Variants in FBXL13 observed in about 807,000 individuals in gnomAD.
FBXL13 encodes F-box and leucine rich repeat protein 13, also known as F-box and leucine-rich repeat protein 13.
In FBXL13, 67 loss-of-function variants were observed where a neutral mutation model predicts 83.6. The ratio of observed to expected loss-of-function variants is 0.80; its 90% CI spans 0.66 to 0.98. The LOEUF (loss-of-function observed/expected upper bound fraction) is 0.98, where lower values mean the gene tolerates loss of function less well. Among genes scored for constraint, FBXL13 ranks in the 50% least tolerant of loss-of-function variants. The pLI, the probability that FBXL13 is intolerant of heterozygous loss-of-function variation, is 0.00. For missense variants in FBXL13, 822 were observed against 866.5 expected, an observed-to-expected ratio of 0.95 and a Z score of 0.64; for synonymous variants, 272 against 299.5, an observed-to-expected ratio of 0.91 and a Z score of 0.95.
At chr7:102,863,263 A>G (rs771519840) in intron 16 of FBXL13, among the ~76,000 whole-genome samples, 3 of 152,126 alleles carry the variant, frequency 2.0e-5, no homozygotes, top group African/African-American at 4.8e-5. Context: ...CAATTTCTCT[A>G]TATGGGAAAT....
chr7:102,851,263 G>A (rs1805170677), intron 17 of FBXL13, among the ~76,000 whole-genome samples: 1 of 152,142 alleles, frequency 6.6e-6, no homozygotes, highest in South Asian at 2.1e-4. Flanking sequence ...CACACTAGTT[G>A]GGATGGTATT....
intron 6 of FBXL13, among the ~76,000 whole-genome samples, chr7:102,980,944 TAAAG>T (rs1331913622): frequency 6.6e-6 from 1 of 152,060 alleles, no homozygotes; most frequent in Non-Finnish European, 1.5e-5. Flanking sequence ...AAGAACATGA[TAAAG>T]AAAGTAAAGA....
At chr7:103,046,129 C>T (rs961639784) in intron 2 of FBXL13, among the ~76,000 whole-genome samples, 11 of 152,166 alleles carry the variant, frequency 7.2e-5, no homozygotes, top group African/African-American at 2.7e-4. Flanking sequence ...AAAGAATGAG[C>T]TGGATAAAGA....
At chr7:103,060,869 C>T (rs1797835856) in intron 1 of FBXL13, among the ~76,000 whole-genome samples, 1 of 152,190 alleles carries the variant, frequency 6.6e-6, no homozygotes, top group South Asian at 2.1e-4. Context: ...CTACCCCAAC[C>T]TCTGAAACAT....
chr7:103,040,096 G>A (rs1384991790), intron 2 of FBXL13, among the ~76,000 whole-genome samples: 1 of 151,474 alleles, frequency 6.6e-6, no homozygotes, highest in African/African-American at 2.4e-5. Flanking sequence ...GTGCAAAGAT[G>A]CACATAAGCT....
rs1489272727 is a variant in FBXL13 at position 103,003,348 on chromosome 7, T to C, written c.495+21715A>G. Among the ~76,000 whole-genome samples the C allele has an allele frequency of 5.1e-5, 7 of 137,298 alleles. No individual in the cohort carries two copies. In the South Asian group the frequency reaches 1.6e-3, roughly 32 times the overall value. 90.1% of individuals were successfully genotyped at this position (137,298 alleles called of 152,430 possible). On this transcript the variant is annotated intron_variant, in intron 6 of 19. Coordinates refer to ENST00000313221, the Ensembl canonical transcript of FBXL13. ...TCTTGCCCAGGCTGGAGTGCAGTGG[T>C]GTGATCTCGGCTCACTGCAACCTCC...
rs186977617 is a variant in FBXL13 at position 102,887,372 on chromosome 7, G to C, written c.1009-3060C>G. On this transcript the variant is annotated intron_variant, in intron 11 of 19. Coordinates refer to ENST00000313221, the Ensembl canonical transcript of FBXL13. ...TCAGTCAGGGTTCTCCAGAGAAACA[G>C]AACCAATAGGATATACTTACATCCA... 1.8e-3 allele frequency among the ~76,000 whole-genome samples: 267 copies of C among 151,948 alleles called. 3 individuals are homozygous for C. The highest frequency in any genetic ancestry group is 7.0e-3 in the Admixed American group (107 of 15,260).
chr7:102,844,345 A>G (rs1014861203), intron 17 of FBXL13, among the ~76,000 whole-genome samples: 11 of 152,198 alleles, frequency 7.2e-5, no homozygotes, highest in Non-Finnish European at 1.5e-4. Flanking sequence ...AAAAGAAATA[A>G]AACTGCACAG....
intron 8 of FBXL13, among the ~76,000 whole-genome samples, chr7:102,935,505 G>A (rs6942688): frequency 0.052 from 7,962 of 152,038 alleles, 279 homozygotes; most frequent in South Asian, 0.13. Context: ...ATGAGACTAA[G>A]GAAATCTTTC....
chr7:102,913,541 G>A (rs978242386), intron 10 of FBXL13, among the ~76,000 whole-genome samples: 1 of 152,132 alleles, frequency 6.6e-6, no homozygotes, highest in African/African-American at 2.4e-5. Context: ...CATATTGTTT[G>A]GAAGTGAAAC....
At chr7:102,923,109 G>A (rs1010163059) in intron 10 of FBXL13, among the ~76,000 whole-genome samples, 5 of 152,174 alleles carry the variant, frequency 3.3e-5, no homozygotes, top group African/African-American at 1.2e-4. Context: ...TCCAAAATCT[G>A]CTTGTCAATG....
In FBXL13 at chr7:102,883,469, T is replaced by G; in HGVS notation, c.1226-2A>C. 6.2e-7 allele frequency: 1 copy of G among 1,604,450 alleles called. No individual in the cohort carries two copies. The highest frequency in any genetic ancestry group is 8.5e-7 in the Non-Finnish European group (1 of 1,176,018). On this transcript the variant is annotated splice_acceptor_variant, in intron 13 of 19. Coordinates refer to ENST00000313221, the Ensembl canonical transcript of FBXL13. LOFTEE classifies it high-confidence loss of function. ...ATGCATCAGTAACCCTTTTATTTCC[T>G]GTTTTTAAAAAACAGAAGAAAAGAC...
chr7:102,870,637 G>A (rs935810301), intron 16 of FBXL13, among the ~76,000 whole-genome samples: 2 of 152,206 alleles, frequency 1.3e-5, no homozygotes, highest in African/African-American at 4.8e-5. Flanking sequence ...GATTTGGCTT[G>A]TTTGCAGAGC....
Position 102,888,947 on chromosome 7 carries a change from G to C in FBXL13, c.1009-4635C>G, listed in dbSNP as rs546689292. Among the ~76,000 whole-genome samples the C allele has an allele frequency of 3.3e-5, 5 of 152,206 alleles. No individual in the cohort carries two copies. The South Asian group carries it at 6.2e-4, about 19-fold the overall frequency. ...TCTCGACTCTTAGTTTCCTCATCTG[G>C]AAAATGAGCATAATAATACCCATTT... On this transcript the variant is annotated intron_variant, in intron 11 of 19. Coordinates refer to ENST00000313221, the Ensembl canonical transcript of FBXL13.
exon 19 of FBXL13, chr7:102,822,181 A>G (rs115315420): frequency 1.2e-6 from 2 of 1,614,144 alleles, no homozygotes; most frequent in African/African-American, 1.3e-5. Flanking sequence ...TGCCGATAAC[A>G]TCTCCATTGC....
chr7:102,934,655 C>T (rs574386315), intron 8 of FBXL13: 4 of 1,600,958 alleles, frequency 2.5e-6, no homozygotes, highest in African/African-American at 1.4e-5. Flanking sequence ...TTATGTGTTT[C>T]CCATACAAAC....
intron 11 of FBXL13, among the ~76,000 whole-genome samples, chr7:102,910,124 G>T (rs1286242884): frequency 6.6e-6 from 1 of 152,086 alleles, no homozygotes; most frequent in Non-Finnish European, 1.5e-5. Flanking sequence ...CCCTCCGTGG[G>T]TGGGCATCAG....
At chr7:102,934,754 C>T in intron 8 of FBXL13, 1 of 1,300,932 alleles carries the variant, frequency 7.7e-7, no homozygotes, top group Non-Finnish European at 1.1e-6. Context: ...TATAATCCTC[C>T]CTACATCCCA....
chr7:102,979,390 T>C (rs888792560), intron 6 of FBXL13, among the ~76,000 whole-genome samples: 7 of 152,240 alleles, frequency 4.6e-5, no homozygotes, highest in Non-Finnish European at 8.8e-5. Context: ...ACCTTTGTGA[T>C]TTTATTAGAT....
Sources: allele counts gnomAD v4.1 joint callset (sites outside exome capture counted in the v4.1 genomes callset), GRCh38; gene constraint gnomAD v4.1.1; transcripts MANE v1.5; gene names NCBI Gene and HGNC (gene_info 2026-07-23, HGNC 2026-07-21).